Variants in MYH16 observed in about 807,000 individuals in gnomAD.
MYH16 encodes myosin heavy chain 16.
chr7:99,272,295 C>G (rs1465108134), intron 19 of MYH16, among the ~76,000 whole-genome samples: 2 of 152,184 alleles, frequency 1.3e-5, no homozygotes, highest in African/African-American at 4.8e-5. Context: ...AGCACCCCCA[C>G]TTTACAGATG....
At chr7:99,292,128 A>C (rs967973044) in intron 31 of MYH16, among the ~76,000 whole-genome samples, 184 bp from the exon 13 acceptor site, 1 of 152,254 alleles carries the variant, frequency 6.6e-6, no homozygotes, top group Non-Finnish European at 1.5e-5. Flanking sequence ...CCTTGTGGAC[A>C]ATAATAGAAA....
chr7:99,260,783 G>A (rs1791930024), intron 12 of MYH16: 1 of 155,332 alleles, frequency 6.4e-6, no homozygotes, highest in South Asian at 2.0e-4. Flanking sequence ...TCAAGAATGT[G>A]TGTTGTGGCC....
chr7:99,267,669 T>A (rs1245729784), intron 18 of MYH16, among the ~76,000 whole-genome samples: 1 of 152,242 alleles, frequency 6.6e-6, no homozygotes, highest in African/African-American at 2.4e-5. Context: ...GAGATGGGAC[T>A]GACTCAGACA....
chr7:99,239,439 TGAGA>T (rs1791637373), intron 1 of MYH16, among the ~76,000 whole-genome samples: 1 of 152,136 alleles, frequency 6.6e-6, no homozygotes, highest in Admixed American at 6.6e-5. Flanking sequence ...ATGAGGGCCA[TGAGA>T]GAGGGCACAG....
Position 99,291,297 on chromosome 7 carries a change from A to G in MYH16, n.3825-26A>G, listed in dbSNP as rs190928881. 606 of 454,322 alleles carry G rather than the reference A, an allele frequency of 1.3e-3. 3 individuals carry two copies. The highest frequency in any genetic ancestry group is 0.011 in the African/African-American group (558 of 50,038). The allele number at this position is 454,322 out of a possible 1,614,324, so 28.1% of individuals were successfully genotyped here. On this transcript the variant is annotated intron_variant and non_coding_transcript_variant, in intron 30 of 41. Transcript: ENST00000439784. ...CTGGGGAACCAGTTCTTCATCCAAT[A>G]TTTCTTCCATTTCCTTCTCACCCAG...
chr7:99,298,698 T>C (rs1792540432), intron 36 of MYH16, among the ~76,000 whole-genome samples: 1 of 152,188 alleles, frequency 6.6e-6, no homozygotes, highest in Non-Finnish European at 1.5e-5. Flanking sequence ...GTTCTTTATA[T>C]ATTTTGAACA....
Position 99,274,611 on chromosome 7 carries a change from C to T in MYH16, n.2485+1188C>T, listed in dbSNP as rs559510914. On this transcript the variant is annotated intron_variant and non_coding_transcript_variant, in intron 20 of 41. Transcript: ENST00000439784. ...GCATGTCTCAAAGGCCAGGCGTTGC[C>T]GGTGCCGCCTGGCTTTCCCCGCCTG... Among the ~76,000 whole-genome samples the T allele has an allele frequency of 8.3e-4, 126 of 151,794 alleles. 4 individuals carry two copies. In the South Asian group the frequency reaches 0.017, roughly 20 times the overall value.
In MYH16 at chr7:99,272,985, C is replaced by T. The variant is rs949137071; in HGVS notation, n.2404-357C>T. ...GAGTGAAGCTGCAGGGAACAAGAAA[C>T]GGGCAGATTCCAGCAACTTTGCAGA... On this transcript the variant is annotated intron_variant and non_coding_transcript_variant, in intron 19 of 41. It adds an upstream start codon to the 5' untranslated region. Coordinates refer to ENST00000439784, the Ensembl canonical transcript of MYH16. Among the ~76,000 whole-genome samples the T allele has an allele frequency of 5.9e-5, 9 of 152,112 alleles. No homozygotes were observed. Among genetic ancestry groups the T allele is most frequent in the East Asian group, 1.9e-4 (1 of 5,182 alleles).
intron 21 of MYH16, 88 bp downstream of exon 3, chr7:99,277,800 T>C (rs1037173108): frequency 2.7e-6 from 1 of 371,868 alleles, no homozygotes; most frequent in Non-Finnish European, 5.3e-6. Flanking sequence ...CAAAAACCCA[T>C]GTCCCTCCAG....
At chr7:99,281,272 A>G (rs1052947452) in intron 23 of MYH16, among the ~76,000 whole-genome samples, 4 of 152,136 alleles carry the variant, frequency 2.6e-5, no homozygotes, top group Admixed American at 2.0e-4. Context: ...ACAATTATGA[A>G]TCATCTAGGC....
chr7:99,281,043 T>C (rs113082974), intron 23 of MYH16, 63 bp downstream of exon 5: 15,199 of 249,084 alleles, frequency 0.061, 1,764 homozygotes, highest in African/African-American at 0.28. Flanking sequence ...GTGCTTTCCA[T>C]TGGAGACTGG....
intron 39 of MYH16, 117 bp downstream of exon 20, chr7:99,303,307 G>T (rs1792632509): frequency 6.6e-6 from 1 of 152,388 alleles, no homozygotes; most frequent in Non-Finnish European, 1.5e-5. Flanking sequence ...ACCCGAGCAT[G>T]GTTCCCTGCC....
At chr7:99,263,584 T>A (rs1791959949) in intron 14 of MYH16, 1 of 152,112 alleles carries the variant, frequency 6.6e-6, no homozygotes. Context: ...AGTAAGTGAG[T>A]GAACCGATGG....
At chr7:99,260,659 TC>T in intron 12 of MYH16, 2 of 210,140 alleles carry the variant, frequency 9.5e-6, no homozygotes, top group East Asian at 2.5e-4. Context: ...GAAGGGAACT[TC>T]CTTGTCCAAT....
At chr7:99,243,813 C>T (rs1791697118) in intron 2 of MYH16, among the ~76,000 whole-genome samples, 1 of 150,926 alleles carries the variant, frequency 6.6e-6, no homozygotes, top group South Asian at 2.1e-4. Flanking sequence ...ATCCATCCAT[C>T]CATTCATCCA....
At chr7:99,243,778 CATCT>C (rs1791695890) in intron 2 of MYH16, among the ~76,000 whole-genome samples, 1 of 150,724 alleles carries the variant, frequency 6.6e-6, no homozygotes, top group Non-Finnish European at 1.5e-5. Flanking sequence ...TCCATTCATC[CATCT>C]ATCCATTCAT....
chr7:99,274,797 C>A (rs528213959), intron 20 of MYH16, among the ~76,000 whole-genome samples: 21 of 151,760 alleles, frequency 1.4e-4, no homozygotes, highest in African/African-American at 5.1e-4. Flanking sequence ...CCTCAGCCTC[C>A]TGAGTATCTG....
chr7:99,286,867 TC>T (rs1792287214), intron 28 of MYH16, among the ~76,000 whole-genome samples: 1 of 151,658 alleles, frequency 6.6e-6, no homozygotes, highest in South Asian at 2.1e-4. Flanking sequence ...AGAAGGAGGA[TC>T]ACTTGAGCCC....
At chr7:99,241,859 G>GT (rs71930898) in intron 1 of MYH16, among the ~76,000 whole-genome samples, 103,090 of 146,484 alleles carry the variant, frequency 0.7, 38,297 homozygotes, top group Non-Finnish European at 0.84. Context: ...GCTGGCACTA[G>GT]TTTTTTTTTT....
Sources: allele counts gnomAD v4.1 joint callset (sites outside exome capture counted in the v4.1 genomes callset), GRCh38; gene constraint gnomAD v4.1.1; transcripts MANE v1.5; gene names NCBI Gene and HGNC (gene_info 2026-07-23, HGNC 2026-07-21).